Variants in INPPL1 observed in about 807,000 individuals in gnomAD.
INPPL1 encodes the protein inositol polyphosphate phosphatase like 1.
A neutral mutation model predicts 139.3 loss-of-function variants in INPPL1; 91 were observed. The observed-to-expected ratio is 0.65, with a 90% CI of 0.55 to 0.78. The LOEUF (loss-of-function observed/expected upper bound fraction) is 0.78, where lower values mean the gene tolerates loss of function less well. INPPL1 is among the 30% of genes least tolerant of loss of function. INPPL1 has a pLI of 0.00. For missense variants in INPPL1, 1,411 were observed against 1,665.6 expected, an observed-to-expected ratio of 0.85 and a Z score of 2.66; for synonymous variants, 719 against 686.6, an observed-to-expected ratio of 1.05 and a Z score of -0.74.
Position 72,229,308 on chromosome 11 carries a change from C to T in INPPL1, c.659+78C>T, listed in dbSNP as rs1330613931. ...CACCTGCTTCCCGGCTGCACAGGTG[C>T]CCTGATCTCTGATCCTGAACAGTGA... On this transcript the variant is annotated intron_variant, in intron 5 of 27. Transcript: ENST00000298229. 9 of 1,470,392 alleles carry T rather than the reference C, an allele frequency of 6.1e-6. No homozygotes were observed. In the Admixed American group the frequency reaches 1.6e-4, roughly 26 times the overall value. 91.1% of individuals were successfully genotyped at this position (1,470,392 alleles called of 1,614,324 possible). A position where few individuals can be genotyped will look rare whatever the true frequency, so the allele number is the denominator to read the frequency against.
At chr11:72,233,573 G>A in intron 18 of INPPL1, 51 bp downstream of exon 18, 1 of 1,605,594 alleles carries the variant, frequency 6.2e-7, no homozygotes, top group East Asian at 2.2e-5. Context: ...GTCACCATCT[G>A]GACTCTGCCC....
rs752222946 is a variant in INPPL1 at position 72,229,053 on chromosome 11, G to T, written c.519-37G>T. On this transcript the variant is annotated intron_variant, in intron 4 of 27. Coordinates refer to ENST00000298229, the MANE Select transcript of INPPL1 (RefSeq NM_001567.4). ...GGGGCAGAGGTGCTGGGACAGGTCA[G>T]CAGGACCTCCACTGACTTCTTAACC... The T allele has an allele frequency of 7.0e-6, 11 of 1,576,578 alleles. No individual in the cohort carries two copies. The Admixed American group carries it at 8.7e-5, about 12-fold the overall frequency.
In INPPL1 at chr11:72,230,865, A is replaced by G. The variant is rs1375303007; in HGVS notation, c.1267A>G (p.Met423Val). ...NKHSKQDEPD[M>V]ISVFIGTWNM... ...GCACTCCAAGCAGGACGAGCCCGAC[A>G]TGATCTCAGTCTTCATAGGCACCTG... Residue 423 changes from methionine to valine, a missense_variant, in exon 11 of 28, where the codon ATG (methionine) becomes GTG (valine). Transcript: ENST00000298229. 2 of 1,613,996 alleles carry G rather than the reference A, an allele frequency of 1.2e-6. No homozygotes were observed. The highest frequency in any genetic ancestry group is 2.2e-5 in the East Asian group (1 of 44,840).
chr11:72,234,964 C>T lies in INPPL1; in HGVS notation c.2416-152C>T. The T allele has an allele frequency of 3.0e-6, 2 of 659,780 alleles. No individual in the cohort carries two copies. The highest frequency in any genetic ancestry group is 5.4e-6 in the Non-Finnish European group (2 of 373,662). The allele number at this position is 659,780 out of a possible 1,614,324, so 40.9% of individuals were successfully genotyped here. ...GGCCTGTATAGGGCTGTGTCTTCTG[C>T]ATTAAGGATTTGGCTCTTCTCTGAA... On this transcript the variant is annotated intron_variant, in intron 21 of 27. Coordinates refer to ENST00000298229, the MANE Select transcript of INPPL1 (RefSeq NM_001567.4). The surrounding 1 kb of genome is among the most constrained non-coding windows in gnomAD (Gnocchi z 4.2).
Position 72,237,415 on chromosome 11 carries a change from A to C in INPPL1, c.3171A>C (p.Pro1057=), listed in dbSNP as rs1185572423. Residue 1057 remains proline, a synonymous_variant, in exon 26 of 28, where the codon CCA becomes CCC. Coordinates refer to ENST00000298229, the MANE Select transcript of INPPL1 (RefSeq NM_001567.4). ...TLPPPDFPPP[P]LPDSAIFLPP... is the part of the protein sequence containing the mutation. ...CCCCTCCAGACTTTCCACCTCCACC[A>C]CTGCCGGACTCAGCCATCTTCCTGC... The C allele has an allele frequency of 6.2e-7, 1 of 1,611,692 alleles. No individual in the cohort carries two copies. Among genetic ancestry groups the C allele is most frequent in the African/African-American group, 1.3e-5 (1 of 74,942 alleles).
chr11:72,224,157 T>G (rs76870980), upstream of INPPL1, among the ~76,000 whole-genome samples: 8,743 of 151,888 alleles, frequency 0.058, 362 homozygotes, highest in African/African-American at 0.12. Flanking sequence ...CTCGAGAACG[T>G]CGCACCTCGT....
Position 72,237,789 on chromosome 11 carries a change from C to T in INPPL1, c.3545C>T (p.Ala1182Val), listed in dbSNP as rs1373087001. Reference protein sequence around the residue: ...RIRESIQEDLAEEAPCLQGGR... With the variant: ...RIRESIQEDLVEEAPCLQGGR... Reference sequence around the variant, plus strand: ...CGGGAGAGCATCCAGGAAGACCTGGCAGAGGAGGTGTGTGGAGCAGGGTGG... The same window carrying T: ...CGGGAGAGCATCCAGGAAGACCTGGTAGAGGAGGTGTGTGGAGCAGGGTGG... The change falls in exon 26 of 28, where the codon GCA (alanine) becomes GTA (valine). Residue 1182 changes from alanine to valine, a missense_variant. Ala to Val is a moderately conservative substitution (Grantham distance 64, BLOSUM62 0). Around this residue, in one of 5 missense-constraint regions of INPPL1, gnomAD observed 438 missense variants for 425.7 expected, o/e 1.03. Transcript: ENST00000298229. 1 of 1,603,472 alleles carries T rather than the reference C, an allele frequency of 6.2e-7. No homozygotes were observed. The highest frequency in any genetic ancestry group is 1.1e-5 in the South Asian group (1 of 89,658).
chr11:72,231,324 G>T, intron 12 of INPPL1, 135 bp downstream of exon 12: 1 of 984,616 alleles, frequency 1.0e-6, no homozygotes, highest in Non-Finnish European at 1.5e-6. Flanking sequence ...TCCTTTGGGA[G>T]ATCTGACCTG....
intron 26 of INPPL1, 22 bp from the exon 27 acceptor site, chr11:72,238,020 C>A (rs11235472): frequency 2.6e-6 from 4 of 1,519,638 alleles, no homozygotes; most frequent in Non-Finnish European, 2.6e-6. Context: ...TCAGCTCCCC[C>A]TGACATGCCC....
intron 1 of INPPL1, chr11:72,225,390 T>A (rs1948642164): frequency 1.0e-6 from 1 of 985,248 alleles, no homozygotes; most frequent in Non-Finnish European, 1.2e-6. Context: ...GGGTAGAGAA[T>A]ATGGGGTTCT....
intron 1 of INPPL1, chr11:72,227,854 G>C: frequency 2.6e-6 from 1 of 388,604 alleles, no homozygotes; most frequent in South Asian, 2.6e-5. Flanking sequence ...GGGGAGCCCA[G>C]ACTGGTACCA....
At position 72,232,610 on chromosome 11, in the gene INPPL1, G is replaced by A. The variant is rs116087808; in HGVS notation, c.1713-16G>A. Reference sequence around the variant, plus strand: ...CTGGGGATCTACCCCTCCCCACCACGCACCCCTCACCCTAGGAGGAACCAA... The same window carrying A: ...CTGGGGATCTACCCCTCCCCACCACACACCCCTCACCCTAGGAGGAACCAA... On this transcript the variant is annotated splice_polypyrimidine_tract_variant and intron_variant, in intron 14 of 27. Coordinates refer to ENST00000298229, the MANE Select transcript of INPPL1 (RefSeq NM_001567.4). The A allele has an allele frequency of 2.2e-3, 3,472 of 1,611,434 alleles. 7 individuals are homozygous for A. Among genetic ancestry groups the A allele is most frequent in the Non-Finnish European group, 2.7e-3 (3,166 of 1,178,788 alleles).
At position 72,235,807 on chromosome 11, in the gene INPPL1, T is replaced by C. The variant is rs1436552031; in HGVS notation, c.2739-39T>C. 1.2e-6 allele frequency: 2 copies of C among 1,613,208 alleles called. No individual in the cohort carries two copies. The highest frequency in any genetic ancestry group is 1.3e-5 in the African/African-American group (1 of 74,896). ...TGAAAGGGTACCTGGGGGCATCTGG[T>C]CAACCCCACTTCATCTCTCTCCTGT... On this transcript the variant is annotated intron_variant, in intron 24 of 27. Transcript: ENST00000298229. This position sits in a 1 kb window ranked among gnomAD's most constrained non-coding sequence, Gnocchi z 4.9.
At chr11:72,230,604 G>A (rs1948805324) in intron 10 of INPPL1, 136 bp downstream of exon 10, 2 of 927,138 alleles carry the variant, frequency 2.2e-6, no homozygotes, top group East Asian at 5.2e-5. Context: ...TGACAGGGTA[G>A]AGGGTGTTGA....
At chr11:72,230,326 G>A (rs765120945) in intron 9 of INPPL1, 36 bp from the exon 10 acceptor site, 2 of 1,613,508 alleles carry the variant, frequency 1.2e-6, no homozygotes, top group Non-Finnish European at 1.7e-6. Context: ...CTGGCCTAGG[G>A]GCACAGGCCC....
rs756503032 is a variant in INPPL1 at position 72,230,807 on chromosome 11, C to T, written c.1209C>T (p.Ala403=). The change falls in exon 11 of 28, where the codon GCC becomes GCT. Residue 403 remains alanine (A), a synonymous_variant. Coordinates refer to ENST00000298229, the MANE Select transcript of INPPL1 (RefSeq NM_001567.4). ...TGCTGTTCCCCCAGAAGCGGGAGGC[C>T]TTCTGCCAGCTGTTGCAGCTCATGA... is the stretch of plus-strand genomic sequence containing the variant. ...FIFVSARKRE[A]FCQLLQLMKN... The T allele has an allele frequency of 1.2e-6, 2 of 1,613,968 alleles. No homozygotes were observed. Among genetic ancestry groups the T allele is most frequent in the Non-Finnish European group, 1.7e-6 (2 of 1,179,954 alleles).
intron 14 of INPPL1, 130 bp from the exon 15 acceptor site, chr11:72,232,496 C>G (rs559008626): frequency 1.5e-6 from 2 of 1,310,588 alleles, no homozygotes; most frequent in African/African-American, 2.9e-5. Flanking sequence ...CTGACCCTAA[C>G]CTTGTCCCCA....
chr11:72,235,476 A>G lies in INPPL1; in HGVS notation c.2659+25A>G. On this transcript the variant is annotated intron_variant, in intron 23 of 27. Coordinates refer to ENST00000298229, the MANE Select transcript of INPPL1 (RefSeq NM_001567.4). The surrounding 1 kb of genome is among the most constrained non-coding windows in gnomAD (Gnocchi z 4.9). ...GGTGGGGACTCCACTGGGACATGAG[A>G]TAGGGTGGTGTGAACAGATCAAGGA... is the stretch of plus-strand genomic sequence containing the variant. The G allele has an allele frequency of 6.2e-7, 1 of 1,608,238 alleles. No individual in the cohort carries two copies. The highest frequency in any genetic ancestry group is 8.5e-7 in the Non-Finnish European group (1 of 1,178,800).
In INPPL1 at chr11:72,235,703, A is replaced by G. The variant is rs755202993; in HGVS notation, c.2688A>G (p.Ala896=). Residue 896 remains alanine (A), a synonymous_variant, in exon 24 of 28, where the codon GCA becomes GCG. Transcript: ENST00000298229. This position sits in a 1 kb window ranked among gnomAD's most constrained non-coding sequence, Gnocchi z 4.9. ...GGATCAGCATTGATAAGGATGAGGC[A>G]GGAGCAAAGAGCAAAGCCCCCTCTG... ...YEWISIDKDE[A]GAKSKAPSVS... is the part of the protein sequence containing the mutation. 6 of 1,614,090 alleles carry G rather than the reference A, an allele frequency of 3.7e-6. No individual in the cohort carries two copies. The highest frequency in any genetic ancestry group is 4.2e-6 in the Non-Finnish European group (5 of 1,179,986).
Sources: gnomAD v4.1 joint callset for allele counts (sites outside exome capture counted in the v4.1 genomes callset) on GRCh38, gnomAD v4.1.1 for gene constraint, gnomAD v4.1.1 regional missense constraint, Gnocchi (gnomAD v3.1) non-coding constraint, MANE v1.5 for transcripts, NCBI Gene and HGNC (gene_info 2026-07-23, HGNC 2026-07-21) for gene names.